Variants in DICER1 observed in about 807,000 individuals in gnomAD.
The protein encoded by DICER1 is endoribonuclease Dicer.
A neutral mutation model predicts 194.1 loss-of-function variants in DICER1; 43 were observed. That is an observed-to-expected ratio of 0.22 (90% CI 0.17 to 0.29). DICER1 has a LOEUF of 0.29. Ranked by LOEUF, DICER1 falls within the 10% of genes least tolerant of loss-of-function variation. The probability of loss-of-function intolerance (pLI) is 1.00; values close to 1 mark genes in which losing one functional copy is unlikely to be tolerated. For missense variants in DICER1, 1,608 were observed against 2,317.0 expected, an observed-to-expected ratio of 0.69 and a Z score of 6.28; for synonymous variants, 832 against 820.5, an observed-to-expected ratio of 1.01 and a Z score of -0.24.
chr14:95,095,289 C>T (rs775674292), intron 23 of DICER1: 4 of 168,164 alleles, frequency 2.4e-5, no homozygotes, highest in Non-Finnish European at 5.2e-5. Flanking sequence ...GGGGCAAATA[C>T]AGAGCACAGT....
chr14:95,115,652 G>T lies in DICER1; in HGVS notation c.1907+15C>A, dbSNP rs371954755. On this transcript the variant is annotated intron_variant, in intron 11 of 26. Coordinates refer to ENST00000343455, the MANE Select transcript of DICER1 (RefSeq NM_177438.3). ...ACATTCCCAGGTTTTCCACACAAAT[G>T]ATATGATGCCATACCTATTGATGTG... The T allele has an allele frequency of 6.2e-7, 1 of 1,613,810 alleles. No homozygotes were observed. The highest frequency in any genetic ancestry group is 2.2e-5 in the East Asian group (1 of 44,882).
At chr14:95,148,169 T>C (rs894036625) in intron 1 of DICER1, among the ~76,000 whole-genome samples, 1 of 152,206 alleles carries the variant, frequency 6.6e-6, no homozygotes, top group Admixed American at 6.5e-5. Flanking sequence ...AACCTCCATG[T>C]GTTCAACTAT....
Position 95,090,495 on chromosome 14 carries a change from G to T in DICER1, c.*3C>A. 1 of 1,613,456 alleles carries T rather than the reference G, an allele frequency of 6.2e-7. No homozygotes were observed. On this transcript the variant is annotated 3_prime_UTR_variant, in exon 27 of 27. Transcript: ENST00000343455. Reference sequence around the variant, plus strand: ...TTCTTGTTTTGAATTTTAAAAAGCGGTTTCAGCTATTGGGAACCTGAGGTT... The same window carrying T: ...TTCTTGTTTTGAATTTTAAAAAGCGTTTTCAGCTATTGGGAACCTGAGGTT...
chr14:95,097,529 T>G (rs897286458), intron 22 of DICER1, among the ~76,000 whole-genome samples: 1 of 152,236 alleles, frequency 6.6e-6, no homozygotes, highest in Admixed American at 6.5e-5. Context: ...AAAGCTTATT[T>G]GTGAGTGACA....
At chr14:95,112,108 A>G (rs1376954497) in intron 13 of DICER1, 64 bp downstream of exon 13, 3 of 1,415,768 alleles carry the variant, frequency 2.1e-6, no homozygotes, top group Non-Finnish European at 3.0e-6. Context: ...AGTCCTCTAT[A>G]TGCTTTTTTT....
intron 11 of DICER1, 76 bp from the exon 12 acceptor site, chr14:95,113,300 T>C: frequency 7.1e-7 from 1 of 1,412,454 alleles, no homozygotes; most frequent in Non-Finnish European, 1.0e-6. Context: ...GAGTTTGATT[T>C]GTCATGTGCC....
At chr14:95,131,341 G>T (rs975103988) in intron 4 of DICER1, among the ~76,000 whole-genome samples, 168 bp downstream of exon 4, 1 of 152,116 alleles carries the variant, frequency 6.6e-6, no homozygotes, top group Non-Finnish European at 1.5e-5. Context: ...TGGTTTTAAG[G>T]TAAGACTTAC....
chr14:95,126,457 A>G (rs1217408004), intron 7 of DICER1, 123 bp downstream of exon 7: 1 of 653,592 alleles, frequency 1.5e-6, no homozygotes, highest in Admixed American at 2.9e-5. Context: ...AATGTCTAAA[A>G]AGATTAAGAC....
At chr14:95,126,834 AAAG>A in intron 6 of DICER1, 86 bp from the exon 7 acceptor site, 3 of 779,544 alleles carry the variant, frequency 3.8e-6, no homozygotes, top group Non-Finnish European at 4.1e-6. Flanking sequence ...AAAAAAAAAA[AAAG>A]GGAATAGATA....
intron 13 of DICER1, 76 bp from the exon 14 acceptor site, chr14:95,111,532 A>G (rs1394496462): frequency 9.4e-6 from 14 of 1,483,462 alleles, no homozygotes; most frequent in Non-Finnish European, 1.3e-5. Flanking sequence ...GAACAGAACT[A>G]TGTTAGAAGG....
At chr14:95,157,682 GC>G (rs1219890734), upstream of DICER1, 1 of 152,428 alleles carries the variant, frequency 6.6e-6, no homozygotes, top group Non-Finnish European at 1.5e-5. Flanking sequence ...GCGCGCGGAG[GC>G]CGGAGAGGCG....
rs979412441 is a variant in DICER1 at position 95,105,489 on chromosome 14, GAACATTCAAAT to G, written c.3093+178_3093+188del. ...CAAAACTCTCAATACTTACCAAAAA[GAACATTCAAAT>G]AACATTCAACACATAATACTAATTA... On this transcript the variant is annotated intron_variant, in intron 19 of 26. Coordinates refer to ENST00000343455, the MANE Select transcript of DICER1 (RefSeq NM_177438.3). The surrounding 1 kb of genome is among the most constrained non-coding windows in gnomAD (Gnocchi z 4.9). 1.3e-5 allele frequency among the ~76,000 whole-genome samples: 2 copies of G among 152,052 alleles called. No individual in the cohort carries two copies. The highest frequency in any genetic ancestry group is 2.4e-5 in the African/African-American group (1 of 41,398).
chr14:95,095,113 A>G (rs1890192617), intron 23 of DICER1, among the ~76,000 whole-genome samples: 1 of 152,212 alleles, frequency 6.6e-6, no homozygotes, highest in Non-Finnish European at 1.5e-5. Flanking sequence ...TATTATATAA[A>G]CTACAAACTT....
At chr14:95,101,567 C>T (rs1213860959) in intron 21 of DICER1, among the ~76,000 whole-genome samples, 1 of 152,152 alleles carries the variant, frequency 6.6e-6, no homozygotes, top group Non-Finnish European at 1.5e-5. Context: ...TCCATGAGGT[C>T]TAAAATCTCA....
At chr14:95,110,750 T>C (rs1313869688) in intron 14 of DICER1, among the ~76,000 whole-genome samples, 1 of 152,268 alleles carries the variant, frequency 6.6e-6, no homozygotes, top group East Asian at 1.9e-4. Flanking sequence ...AGAAGTTAGA[T>C]TTAGAGATGC....
Position 95,133,372 on chromosome 14 carries a change from T to A in DICER1, c.87A>T (p.Gly29=), listed in dbSNP as rs1555376553. 1 of 1,614,112 alleles carries A rather than the reference T, an allele frequency of 6.2e-7. No homozygotes were observed. The change falls in exon 2 of 27, where the codon GGA becomes GGT. Residue 29 remains glycine, a synonymous_variant. Coordinates refer to ENST00000343455, the MANE Select transcript of DICER1 (RefSeq NM_177438.3). ...GAATTGCTTCTTGTTGCCATGGCAG[T>A]CCAAAGAAAGGACCCATTGGTGAGG... ...PASSPMGPFF[G]LPWQQEAIHD...
intron 20 of DICER1, among the ~76,000 whole-genome samples, chr14:95,104,846 A>T (rs1891265678): frequency 6.6e-6 from 1 of 152,258 alleles, no homozygotes; most frequent in Admixed American, 6.5e-5. Flanking sequence ...ATGCAGTAAC[A>T]AAGAACAATT....
chr14:95,123,992 A>G (rs1420752037), intron 8 of DICER1, among the ~76,000 whole-genome samples: 2 of 152,214 alleles, frequency 1.3e-5, no homozygotes, highest in African/African-American at 4.8e-5. Flanking sequence ...TTAAGAAAAA[A>G]ATATCAGCCA....
chr14:95,152,143 C>T (rs569895652), intron 1 of DICER1, among the ~76,000 whole-genome samples: 7 of 152,274 alleles, frequency 4.6e-5, no homozygotes, highest in Admixed American at 3.3e-4. Flanking sequence ...TGTCAAAGAA[C>T]GAACAAGCAC....
Sources: allele counts gnomAD v4.1 joint callset (sites outside exome capture counted in the v4.1 genomes callset), GRCh38; gene constraint gnomAD v4.1.1; non-coding constraint Gnocchi (gnomAD v3.1); transcripts MANE v1.5; gene names NCBI Gene and HGNC (gene_info 2026-07-23, HGNC 2026-07-21).